SPAG16: variants seen among roughly 807,000 people sequenced by gnomAD.
SPAG16 encodes sperm associated antigen 16.
A neutral mutation model predicts 80.4 loss-of-function variants in SPAG16; 86 were observed. The ratio of observed to expected loss-of-function variants is 1.07; its 90% CI spans 0.90 to 1.28. SPAG16 has a LOEUF of 1.28. Ranked by LOEUF, SPAG16 falls within the 50% of genes most tolerant of loss-of-function variation. SPAG16 has a pLI of 0.00. For missense variants in SPAG16, 870 were observed against 765.3 expected (o/e 1.14, Z -1.61); for synonymous variants, 294 against 265.9 (o/e 1.11, Z -1.03).
intron 6 of SPAG16, among the ~76,000 whole-genome samples, chr2:213,347,067 G>A (rs1472061766): frequency 6.6e-6 from 1 of 152,122 alleles, no homozygotes; most frequent in Non-Finnish European, 1.5e-5. Flanking sequence ...TTCAGAGCCT[G>A]CAATTGGTCT....
chr2:213,961,333 G>A (rs2044407329), intron 12 of SPAG16, among the ~76,000 whole-genome samples: 1 of 152,006 alleles, frequency 6.6e-6, no homozygotes, highest in Admixed American at 6.6e-5. Context: ...ACAAGATCAT[G>A]GAATCTGCAA....
At chr2:213,315,276 C>T (rs2063351666) in intron 4 of SPAG16, among the ~76,000 whole-genome samples, 1 of 151,742 alleles carries the variant, frequency 6.6e-6, no homozygotes, top group Non-Finnish European at 1.5e-5. Context: ...AATAGAAGTT[C>T]CATCACTCCC....
intron 15 of SPAG16, among the ~76,000 whole-genome samples, chr2:214,371,540 A>C (rs1370376103): frequency 6.6e-6 from 1 of 151,702 alleles, no homozygotes; most frequent in East Asian, 1.9e-4. Flanking sequence ...CTCAAAAAAA[A>C]AAAAAAAAAA....
intron 15 of SPAG16, among the ~76,000 whole-genome samples, chr2:214,326,944 CAAAAAAAAAAAAA>C (rs5838428): frequency 9.3e-5 from 6 of 64,466 alleles, no homozygotes; most frequent in African/African-American, 2.7e-4. Flanking sequence ...GACTAAGTCT[CAAAAAAAAAAAAA>C]AAAAAAAAAA....
chr2:214,164,556 G>T (rs1305748015), intron 15 of SPAG16, among the ~76,000 whole-genome samples: 1 of 152,142 alleles, frequency 6.6e-6, no homozygotes, highest in Non-Finnish European at 1.5e-5. Flanking sequence ...GCCAAGGGCA[G>T]ATTATGGATG....
At chr2:213,306,168 T>C (rs2062930859) in intron 3 of SPAG16, among the ~76,000 whole-genome samples, 1 of 151,802 alleles carries the variant, frequency 6.6e-6, no homozygotes. Flanking sequence ...AAAATTTCTT[T>C]GGTATTGGTT....
At chr2:213,600,208 A>C (rs2061015496) in intron 10 of SPAG16, among the ~76,000 whole-genome samples, 1 of 152,134 alleles carries the variant, frequency 6.6e-6, no homozygotes, top group Admixed American at 6.5e-5. Flanking sequence ...CCCTTTCTCC[A>C]ACTCTCCATT....
At chr2:213,760,493 A>G (rs1353183918) in intron 10 of SPAG16, among the ~76,000 whole-genome samples, 1 of 137,434 alleles carries the variant, frequency 7.3e-6, no homozygotes, top group South Asian at 2.6e-4. Flanking sequence ...TGAATAAATC[A>G]CTCTCAATAA....
intron 10 of SPAG16, among the ~76,000 whole-genome samples, chr2:213,546,012 G>C (rs536025450): frequency 3.7e-4 from 57 of 152,148 alleles, no homozygotes; most frequent in African/African-American, 1.3e-3. Flanking sequence ...TTTGTCTTTA[G>C]TTGGGTGCCT....
intron 15 of SPAG16, among the ~76,000 whole-genome samples, chr2:214,282,265 T>C (rs1693004416): frequency 6.6e-6 from 1 of 152,090 alleles, no homozygotes; most frequent in Non-Finnish European, 1.5e-5. Context: ...TGATGTAGAT[T>C]GAATCAATTA....
At chr2:213,602,185 A>C (rs1359589899) in intron 10 of SPAG16, among the ~76,000 whole-genome samples, 2 of 152,204 alleles carry the variant, frequency 1.3e-5, no homozygotes, top group Non-Finnish European at 2.9e-5. Context: ...TAGGTGTGTA[A>C]TAGGCTGTAT....
intron 15 of SPAG16, among the ~76,000 whole-genome samples, chr2:214,338,603 T>C (rs546319262): frequency 1.3e-5 from 2 of 152,348 alleles, no homozygotes; most frequent in African/African-American, 4.8e-5. Flanking sequence ...TTCTCTCTCT[T>C]CTGTTGATTC....
chr2:214,054,755 A>G (rs959942462), intron 13 of SPAG16, among the ~76,000 whole-genome samples: 1 of 152,162 alleles, frequency 6.6e-6, no homozygotes, highest in Non-Finnish European at 1.5e-5. Context: ...GCCCAAAGAT[A>G]TATTTTTTGT....
intron 6 of SPAG16, among the ~76,000 whole-genome samples, chr2:213,349,700 G>A (rs1464086104): frequency 9.2e-5 from 14 of 152,026 alleles, no homozygotes. Flanking sequence ...ATACATACAA[G>A]GGAATACTAC....
intron 13 of SPAG16, among the ~76,000 whole-genome samples, chr2:214,077,978 T>A (rs1427329512): frequency 6.6e-6 from 1 of 152,202 alleles, no homozygotes; most frequent in African/African-American, 2.4e-5. Flanking sequence ...TGGGCTTGCA[T>A]CTCTTAAGTA....
chr2:213,391,271 A>AAAAT (rs1294335930), intron 9 of SPAG16, among the ~76,000 whole-genome samples: 3 of 152,214 alleles, frequency 2.0e-5, no homozygotes, highest in African/African-American at 7.2e-5. Context: ...CCGTTTCAAA[A>AAAAT]AAATAAATAA....
intron 15 of SPAG16, among the ~76,000 whole-genome samples, chr2:214,288,752 C>CTTATTTAT (rs58056064): frequency 0.11 from 15,370 of 141,354 alleles, 984 homozygotes; most frequent in Admixed American, 0.13. Context: ...CCTTTGCCCA[C>CTTATTTAT]TTATTTATTT....
intron 10 of SPAG16, among the ~76,000 whole-genome samples, chr2:213,730,119 A>G (rs556250488): frequency 6.6e-6 from 1 of 152,296 alleles, no homozygotes; most frequent in East Asian, 1.9e-4. Flanking sequence ...ACTCATTCAC[A>G]GTTGATTAAG....
At chr2:213,675,746 T>C (rs1325871734) in intron 10 of SPAG16, among the ~76,000 whole-genome samples, 1 of 152,016 alleles carries the variant, frequency 6.6e-6, no homozygotes, top group East Asian at 1.9e-4. Context: ...TTGATCTATA[T>C]CTCTGTTTTG....
Sources: allele counts gnomAD v4.1 joint callset (sites outside exome capture counted in the v4.1 genomes callset), GRCh38; gene constraint gnomAD v4.1.1; transcripts MANE v1.5; gene names NCBI Gene and HGNC (gene_info 2026-07-23, HGNC 2026-07-21).